The following TNIK variants were observed in gnomAD, a reference collection of about 807,000 sequenced individuals.
The protein encoded by TNIK is TRAF2 and NCK-interacting protein kinase.
TNIK carries 49 observed loss-of-function variants against 191.3 expected under a neutral mutation model. The ratio of observed to expected loss-of-function variants is 0.26; its 90% confidence interval spans 0.20 to 0.32. The LOEUF is 0.32. TNIK is among the 10% of genes least tolerant of loss of function. The pLI is 1.00. For synonymous variants in TNIK, 594 were observed against 600.9 expected, an observed-to-expected ratio of 0.99 and a Z score of 0.17; for missense variants, 1,155 against 1,702.3, an observed-to-expected ratio of 0.68 and a Z score of 5.66.
intron 2 of TNIK, among the ~76,000 whole-genome samples, chr3:171,268,561 A>G (rs549196639): frequency 6.6e-6 from 1 of 152,138 alleles, no homozygotes; most frequent in African/African-American, 2.4e-5. Context: ...ATCTCTTTGT[A>G]CTGCTTTAAC....
intron 2 of TNIK, among the ~76,000 whole-genome samples, chr3:171,348,202 A>G (rs1348207420): frequency 6.6e-6 from 1 of 152,234 alleles, no homozygotes; most frequent in Non-Finnish European, 1.5e-5. Context: ...CCAGAGCACA[A>G]GTACTCCCTG....
Position 171,356,848 on chromosome 3 carries a change from T to C in TNIK, c.123+12772A>G, listed in dbSNP as rs562954370. 2.1e-3 allele frequency among the ~76,000 whole-genome samples: 314 copies of C among 152,170 alleles called. 1 individual carries two copies. The highest frequency in any genetic ancestry group is 3.9e-3 in the Non-Finnish European group (263 of 68,012). ...GGGTTACTGTGAAGGTCAAATGAAA[T>C]AATGAATATGAAGGTTTCAAAACCA... On this transcript the variant is annotated intron_variant, in intron 2 of 32. Transcript: ENST00000436636.
intron 1 of TNIK, among the ~76,000 whole-genome samples, chr3:171,405,992 G>A (rs944442601): frequency 3.3e-5 from 5 of 152,152 alleles, no homozygotes; most frequent in Admixed American, 1.3e-4. Context: ...TGGAAAGGGC[G>A]GGAGGAGATA....
chr3:171,234,501 G>A (rs562631923), intron 2 of TNIK, among the ~76,000 whole-genome samples: 2 of 152,272 alleles, frequency 1.3e-5, no homozygotes, highest in East Asian at 3.9e-4. Context: ...GAATTCCTTT[G>A]CTTGGCACCT....
intron 1 of TNIK, among the ~76,000 whole-genome samples, chr3:171,440,108 A>G (rs546247368): frequency 3.9e-5 from 6 of 152,230 alleles, no homozygotes; most frequent in South Asian, 2.1e-4. Flanking sequence ...AATGACCACA[A>G]TGATTACTGG....
chr3:171,362,924 G>T (rs951487668), intron 2 of TNIK, among the ~76,000 whole-genome samples: 4 of 152,132 alleles, frequency 2.6e-5, no homozygotes, highest in African/African-American at 9.7e-5. Context: ...CCCACATCTT[G>T]TGCCCATTCA....
chr3:171,389,098 G>T (rs181799274), intron 1 of TNIK, among the ~76,000 whole-genome samples: 4 of 152,202 alleles, frequency 2.6e-5, no homozygotes, highest in African/African-American at 9.6e-5. Context: ...AGAGAAACCT[G>T]AGGCCCCAAA....
chr3:171,180,328 A>G (rs541985235), intron 7 of TNIK, among the ~76,000 whole-genome samples: 2 of 151,178 alleles, frequency 1.3e-5, no homozygotes, highest in South Asian at 4.2e-4. Context: ...TCCCCCCAGC[A>G]CTGCTCATGC....
At chr3:171,269,533 C>T (rs757330686) in intron 2 of TNIK, among the ~76,000 whole-genome samples, 3 of 152,208 alleles carry the variant, frequency 2.0e-5, no homozygotes, top group Non-Finnish European at 4.4e-5. Context: ...CCCCCAACCT[C>T]GATGTTTCAT....
Position 171,125,902 on chromosome 3 carries a change from T to C in TNIK, c.2013+10A>G. The C allele has an allele frequency of 6.2e-7, 1 of 1,613,608 alleles. No individual in the cohort carries two copies. The highest frequency in any genetic ancestry group is 8.5e-7 in the Non-Finnish European group (1 of 1,179,780). On this transcript the variant is annotated intron_variant, in intron 17 of 32. Transcript: ENST00000436636. ...CTGGTGATTAAAAAAAACACCCCAGTAAATATTACCTTTGGTGGAATGTCT... is the reference window on the plus strand; with the variant it reads ...CTGGTGATTAAAAAAAACACCCCAGCAAATATTACCTTTGGTGGAATGTCT...
intron 4 of TNIK, among the ~76,000 whole-genome samples, chr3:171,208,768 C>G (rs1216268293): frequency 6.6e-6 from 1 of 152,122 alleles, no homozygotes; most frequent in Non-Finnish European, 1.5e-5. Flanking sequence ...CCATGTTGGT[C>G]AGGCTGGTCT....
intron 3 of TNIK, among the ~76,000 whole-genome samples, chr3:171,216,468 G>T (rs1038391104): frequency 1.3e-5 from 2 of 152,046 alleles, no homozygotes; most frequent in African/African-American, 2.4e-5. Flanking sequence ...AGAAAAATCT[G>T]CATTTCCTAA....
At chr3:171,345,722 T>C (rs898237516) in intron 2 of TNIK, among the ~76,000 whole-genome samples, 4 of 152,168 alleles carry the variant, frequency 2.6e-5, no homozygotes, top group South Asian at 4.1e-4. Context: ...GGACTTTTTT[T>C]CCCCTTCCTT....
intron 20 of TNIK, among the ~76,000 whole-genome samples, chr3:171,107,822 T>C (rs1440139055): frequency 2.0e-5 from 3 of 152,240 alleles, no homozygotes; most frequent in Non-Finnish European, 4.4e-5. Context: ...GAGTTGTTTC[T>C]CTTCCTGTTT....
At chr3:171,330,293 G>A (rs985993636) in intron 2 of TNIK, among the ~76,000 whole-genome samples, 1 of 152,088 alleles carries the variant, frequency 6.6e-6, no homozygotes. Context: ...CGGCTGCTTT[G>A]GAATACCTTT....
chr3:171,288,024 TG>T (rs1043201512), intron 2 of TNIK, among the ~76,000 whole-genome samples: 1 of 150,726 alleles, frequency 6.6e-6, no homozygotes, highest in African/African-American at 2.5e-5. Flanking sequence ...TGTAGGGACA[TG>T]GATGAAATTG....
intron 2 of TNIK, among the ~76,000 whole-genome samples, chr3:171,323,550 T>TGG (rs1004464461): frequency 3.3e-5 from 5 of 152,186 alleles, no homozygotes; most frequent in African/African-American, 1.2e-4. Flanking sequence ...GTCAAGAAAA[T>TGG]GGACATCATC....
intron 16 of TNIK, among the ~76,000 whole-genome samples, chr3:171,127,379 T>C (rs1728623837): frequency 6.6e-6 from 1 of 151,604 alleles, no homozygotes; most frequent in African/African-American, 2.4e-5. Context: ...ACAAAGCCCA[T>C]TTAAAAAAAT....
chr3:171,200,081 C>T (rs1204031535), intron 4 of TNIK, among the ~76,000 whole-genome samples: 1 of 152,172 alleles, frequency 6.6e-6, no homozygotes, highest in East Asian at 1.9e-4. Flanking sequence ...TTGTACCACA[C>T]AGCAAGAAGA....
Sources: gnomAD v4.1 joint callset for allele counts (sites outside exome capture counted in the v4.1 genomes callset) on GRCh38, gnomAD v4.1.1 for gene constraint, MANE v1.5 for transcripts, NCBI Gene and HGNC (gene_info 2026-07-23, HGNC 2026-07-21) for gene names.